INTS6: variants seen among roughly 807,000 people sequenced by gnomAD.
INTS6 encodes the protein integrator complex subunit 6, also known as DEAD box protein.
In INTS6, 16 loss-of-function variants were observed where a neutral mutation model predicts 104.9. That is an observed-to-expected ratio of 0.15 (90% CI 0.10 to 0.23). The LOEUF (loss-of-function observed/expected upper bound fraction) is 0.23, where lower values mean the gene tolerates loss of function less well. Ranked by LOEUF, INTS6 falls within the 10% of genes least tolerant of loss-of-function variation. The probability of loss-of-function intolerance (pLI) is 1.00; values close to 1 mark genes in which losing one functional copy is unlikely to be tolerated. For synonymous variants in INTS6, 324 were observed against 358.7 expected, an observed-to-expected ratio of 0.90 and a Z score of 1.09; for missense variants, 584 against 1,062.8, an observed-to-expected ratio of 0.55 and a Z score of 6.26.
Position 51,365,049 on chromosome 13 carries a change from A to G in INTS6, c.*703T>C, listed in dbSNP as rs1955659577. 1 of 152,548 alleles carries G rather than the reference A, an allele frequency of 6.6e-6. No individual in the cohort carries two copies. Among genetic ancestry groups the G allele is most frequent in the Non-Finnish European group, 1.5e-5 (1 of 67,984 alleles). 9.4% of individuals were successfully genotyped at this position (152,548 alleles called of 1,614,324 possible). The stretch of plus-strand genomic sequence containing the variant: ...GGCATGGCCAACAAAAACTACGAAC[A>G]TATAGTAAAAAGGCAATGCAGATTA... On this transcript the variant is annotated 3_prime_UTR_variant, in exon 18 of 18. Transcript: ENST00000311234.
chr13:51,406,759 C>G (rs1159064156), intron 4 of INTS6, among the ~76,000 whole-genome samples: 1 of 152,150 alleles, frequency 6.6e-6, no homozygotes, highest in Non-Finnish European at 1.5e-5. Flanking sequence ...CCATCTTGTA[C>G]TACGATCCCT....
Position 51,365,784 on chromosome 13 carries a change from C to T in INTS6, c.2632G>A (p.Ala878Thr), listed in dbSNP as rs909156554. The change falls in exon 18 of 18, where the codon GCC becomes ACC. Residue 878 changes from alanine to threonine, a missense_variant. Transcript: ENST00000311234. ...CTATTAATATGGTTGATCTGATTGG[C>T]TCTTCGATGAATTTCATCCAAGAAG... ...ENFLDEIHRR[A>T]NQINHINSN 3 of 1,600,272 alleles carry T rather than the reference C, an allele frequency of 1.9e-6. No homozygotes were observed. The highest frequency in any genetic ancestry group is 2.6e-6 in the Non-Finnish European group (3 of 1,172,988).
intron 3 of INTS6, chr13:51,445,190 G>C (rs1045774991): frequency 2.0e-5 from 3 of 152,156 alleles, no homozygotes; most frequent in African/African-American, 7.2e-5. Flanking sequence ...ATGACTTTCT[G>C]ACTTATCTGC....
At chr13:51,354,360 CAT>C (rs1278970782) in intron 3 of INTS6, 2 of 152,116 alleles carry the variant, frequency 1.3e-5, no homozygotes, top group African/African-American at 2.4e-5. Context: ...ATAATAATAA[CAT>C]AGTTATATGA....
chr13:51,400,026 T>A (rs1956407825), intron 4 of INTS6, among the ~76,000 whole-genome samples: 3 of 152,226 alleles, frequency 2.0e-5, no homozygotes. Context: ...GAGCTCCACC[T>A]CCTGTCAGAT....
the INTS6 span, chr13:51,341,269 C>A: frequency 6.2e-7 from 1 of 1,613,954 alleles, no homozygotes; most frequent in Non-Finnish European, 8.5e-7. Flanking sequence ...TGTGTCCCTC[C>A]CCCTGGAGAT....
chr13:51,451,717 GCAGCGCCGCCGCCGC>G (rs951839870), intron 2 of INTS6: 2 of 193,978 alleles, frequency 1.0e-5, no homozygotes, highest in African/African-American at 4.9e-5. Flanking sequence ...CATGTTGATA[GCAGCGCCGCCGCCGC>G]CGCCGCCGCC....
intron 4 of INTS6, among the ~76,000 whole-genome samples, chr13:51,396,231 TTCA>T (rs761674192): frequency 3.3e-5 from 5 of 152,208 alleles, no homozygotes; most frequent in African/African-American, 4.8e-5. Context: ...TAAAATATGC[TTCA>T]TTTTATATAA....
At chr13:51,382,186 C>G in intron 9 of INTS6, 63 bp from the exon 10 acceptor site, 1 of 945,562 alleles carries the variant, frequency 1.1e-6, no homozygotes, top group Non-Finnish European at 1.6e-6. Context: ...GAAGTCAAGT[C>G]AAAGACGTTT....
intron 2 of INTS6, 189 bp from the exon 3 acceptor site, chr13:51,451,363 T>C (rs1953038104): frequency 5.0e-6 from 2 of 401,196 alleles, no homozygotes; most frequent in Non-Finnish European, 8.7e-6. Context: ...CAGCTTCCTC[T>C]CTAGGTTTTG....
chr13:51,348,509 C>A, the INTS6 span: 1 of 934,834 alleles, frequency 1.1e-6, no homozygotes, highest in Non-Finnish European at 1.6e-6. Flanking sequence ...CTGTGCTTAG[C>A]CACTGGGATG....
At chr13:51,335,242 T>C in the INTS6 span, among the ~76,000 whole-genome samples, 2 of 151,878 alleles carry the variant, frequency 1.3e-5, no homozygotes, top group Non-Finnish European at 2.9e-5. Flanking sequence ...GGGGAGAAAA[T>C]ATTTGCAATA....
chr13:51,394,135 G>A (rs1392372199), intron 5 of INTS6, among the ~76,000 whole-genome samples: 4 of 152,026 alleles, frequency 2.6e-5, no homozygotes, highest in Admixed American at 1.3e-4. Context: ...AAATACGACT[G>A]TCACTGAAAA....
At chr13:51,338,447 G>GTGGATGGATGGA in the INTS6 span, among the ~76,000 whole-genome samples, 650 of 149,210 alleles carry the variant, frequency 4.4e-3, 7 homozygotes, top group Admixed American at 0.018. Context: ...GGATGGATAG[G>GTGGATGGATGGA]TGGATGGATG....
At chr13:51,368,345 A>C (rs1286479260) in intron 16 of INTS6, among the ~76,000 whole-genome samples, 1 of 152,098 alleles carries the variant, frequency 6.6e-6, no homozygotes, top group Non-Finnish European at 1.5e-5. Context: ...CAAGGGCTAT[A>C]AACGTCTGAA....
Position 51,365,896 on chromosome 13 carries a change from A to G in INTS6, c.2571-51T>C, listed in dbSNP as rs574750593. The G allele has an allele frequency of 1.4e-5, 14 of 1,020,852 alleles. 1 individual carries two copies. Among genetic ancestry groups the G allele is most frequent in the African/African-American group, 1.3e-4 (8 of 60,766 alleles). The allele number at this position is 1,020,852 out of a possible 1,614,324, so 63.2% of individuals were successfully genotyped here. Reference sequence around the variant, plus strand: ...TCAATTACTTTTTAATGAATAGTATATATCAGTATAATTTTTTTAAGAAAG... The same window carrying G: ...TCAATTACTTTTTAATGAATAGTATGTATCAGTATAATTTTTTTAAGAAAG... On this transcript the variant is annotated intron_variant, in intron 17 of 17. Transcript: ENST00000311234.
chr13:51,378,069 G>A (rs1955968539), intron 12 of INTS6, among the ~76,000 whole-genome samples, 170 bp downstream of exon 12: 1 of 152,026 alleles, frequency 6.6e-6, no homozygotes, highest in Non-Finnish European at 1.5e-5. Flanking sequence ...CACACACCAT[G>A]TACACTGTTT....
At chr13:51,375,008 T>G (rs1408113204) in intron 13 of INTS6, among the ~76,000 whole-genome samples, 1 of 152,060 alleles carries the variant, frequency 6.6e-6, no homozygotes, top group African/African-American at 2.4e-5. Flanking sequence ...AAACAAAAAT[T>G]GCCATTAATT....
At chr13:51,411,268 C>G (rs992458765) in intron 4 of INTS6, among the ~76,000 whole-genome samples, 1 of 148,748 alleles carries the variant, frequency 6.7e-6, no homozygotes, top group African/African-American at 2.5e-5. Flanking sequence ...CAAGCAAGCA[C>G]ATGGGCCAGG....
Sources: allele counts gnomAD v4.1 joint callset (sites outside exome capture counted in the v4.1 genomes callset), GRCh38; gene constraint gnomAD v4.1.1; transcripts MANE v1.5; gene names NCBI Gene and HGNC (gene_info 2026-07-23, HGNC 2026-07-21).